FHIP2A: variants seen among roughly 807,000 people sequenced by gnomAD.
The protein encoded by FHIP2A is family with sequence similarity 160 member B1.
A neutral mutation model predicts 93.5 loss-of-function variants in FHIP2A; 46 were observed. The observed-to-expected ratio is 0.49, with a 90% CI of 0.39 to 0.63. The LOEUF is 0.63. Among genes scored for constraint, FHIP2A ranks in the 20% least tolerant of loss-of-function variants. FHIP2A has a pLI of 0.00. For synonymous variants in FHIP2A, 332 were observed against 326.5 expected (o/e 1.02, Z -0.18); for missense variants, 769 against 909.7 (o/e 0.85, Z 1.99).
chr10:114,839,854 C>T (rs911143790), intron 5 of FHIP2A, among the ~76,000 whole-genome samples: 3 of 142,394 alleles, frequency 2.1e-5, no homozygotes, highest in African/African-American at 7.9e-5. Context: ...TGCACTTCAG[C>T]CTGGGCGACA....
At chr10:114,874,559 G>A (rs1393286683) in intron 16 of FHIP2A, among the ~76,000 whole-genome samples, 1 of 152,130 alleles carries the variant, frequency 6.6e-6, no homozygotes, top group Non-Finnish European at 1.5e-5. Context: ...CTGGAGTGCA[G>A]TGGCACAATC....
At chr10:114,878,198 G>C (rs1421003586) in intron 16 of FHIP2A, among the ~76,000 whole-genome samples, 1 of 151,840 alleles carries the variant, frequency 6.6e-6, no homozygotes, top group Non-Finnish European at 1.5e-5. Flanking sequence ...ATTTTCTTAG[G>C]GCTTAGAAAA....
At chr10:114,833,610 G>A in intron 3 of FHIP2A, 1 of 454,224 alleles carries the variant, frequency 2.2e-6, no homozygotes, top group Non-Finnish European at 3.8e-6. Flanking sequence ...ACAACAACTT[G>A]TACTTGGCTG....
chr10:114,840,902 AT>A (rs1203692355), intron 5 of FHIP2A, among the ~76,000 whole-genome samples: 2 of 152,148 alleles, frequency 1.3e-5, no homozygotes, highest in Non-Finnish European at 2.9e-5. Context: ...AGTTTAAGAG[AT>A]TTAGAAGCTA....
intron 16 of FHIP2A, among the ~76,000 whole-genome samples, chr10:114,890,069 C>T (rs891002945): frequency 5.9e-5 from 9 of 151,996 alleles, no homozygotes; most frequent in Non-Finnish European, 1.3e-4. Context: ...ACTCTGTTGC[C>T]CAGGCTGGCG....
At position 114,843,222 on chromosome 10, in the gene FHIP2A, G is replaced by C. The variant is rs1423438272; in HGVS notation, c.812G>C (p.Ser271Thr). Residue 271 changes from serine to threonine, a missense_variant, in exon 6 of 17, where the codon AGT becomes ACT. Physicochemically the swap from Ser to Thr is moderately conservative, Grantham distance 58. Coordinates refer to ENST00000369248, the MANE Select transcript of FHIP2A (RefSeq NM_020940.4). ...AATTCTTTGTTAAATCTTACTAGAAGTCCTGTGAGTTATGGTCCTTACTTT... is the reference window on the plus strand; with the variant it reads ...AATTCTTTGTTAAATCTTACTAGAACTCCTGTGAGTTATGGTCCTTACTTT... ...LVNSLLNLTR[S>T]PDGRIAVKAC... The C allele has an allele frequency of 1.2e-6, 2 of 1,608,440 alleles. No individual in the cohort carries two copies. Among genetic ancestry groups the C allele is most frequent in the African/African-American group, 2.7e-5 (2 of 74,782 alleles).
intron 16 of FHIP2A, among the ~76,000 whole-genome samples, chr10:114,895,435 G>A (rs1215070397): frequency 6.6e-6 from 1 of 152,174 alleles, no homozygotes; most frequent in Non-Finnish European, 1.5e-5. Context: ...CCTTAATAGG[G>A]CCATTTATCA....
At chr10:114,865,913 A>G (rs1006859293), downstream of FHIP2A, among the ~76,000 whole-genome samples, 1 of 152,152 alleles carries the variant, frequency 6.6e-6, no homozygotes, top group African/African-American at 2.4e-5. Flanking sequence ...TCTTATGGCA[A>G]TAAAGTTGTC....
At chr10:114,891,537 ATG>A (rs34032569) in intron 16 of FHIP2A, among the ~76,000 whole-genome samples, 21,762 of 136,954 alleles carry the variant, frequency 0.16, 1,616 homozygotes, top group Admixed American at 0.2. Context: ...ATATATATAT[ATG>A]TGTGTGTGTG....
intron 5 of FHIP2A, among the ~76,000 whole-genome samples, chr10:114,842,371 G>A (rs1169950730): frequency 2.0e-5 from 3 of 152,012 alleles, no homozygotes; most frequent in East Asian, 3.9e-4. Context: ...AGCTTCTTGC[G>A]TTCTTATAGA....
intron 5 of FHIP2A, among the ~76,000 whole-genome samples, 184 bp downstream of exon 5, chr10:114,836,430 A>C (rs1482301008): frequency 6.6e-6 from 1 of 152,232 alleles, no homozygotes; most frequent in Non-Finnish European, 1.5e-5. Context: ...ATTTCAAAGA[A>C]TGCAGTTGAG....
In FHIP2A at chr10:114,846,177, C is replaced by T. The variant is rs989731425; in HGVS notation, c.1208C>T (p.Ser403Phe). 2 of 1,613,918 alleles carry T rather than the reference C, an allele frequency of 1.2e-6. No individual in the cohort carries two copies. The highest frequency in any genetic ancestry group is 2.7e-5 in the African/African-American group (2 of 74,920). ...GVMEPQLMQT[S>F]EMGILTSTAL... is the part of the protein sequence containing the mutation. ...GACTACCTGTTCATTGTGCTCAGTTCTGAGATGGGTATTCTCACATCCACT... is the reference window on the plus strand; with the variant it reads ...GACTACCTGTTCATTGTGCTCAGTTTTGAGATGGGTATTCTCACATCCACT... The change falls in exon 10 of 17, where the codon TCT becomes TTT. Residue 403 changes from serine (S) to phenylalanine (F), a missense_variant and splice_region_variant. Physicochemically the swap from Ser to Phe is radical, Grantham distance 155. Transcript: ENST00000369248.
chr10:114,832,204 G>A (rs1346402248), intron 2 of FHIP2A, among the ~76,000 whole-genome samples: 1 of 152,106 alleles, frequency 6.6e-6, no homozygotes, highest in African/African-American at 2.4e-5. Context: ...GAGTCTAACT[G>A]TGATATGTTA....
chr10:114,883,967 A>G (rs930439708), intron 16 of FHIP2A, among the ~76,000 whole-genome samples: 47 of 152,312 alleles, frequency 3.1e-4, no homozygotes, highest in African/African-American at 1.0e-3. Context: ...ATTGGTTTCC[A>G]TCCTCCAAAA....
chr10:114,877,561 T>A (rs1036248742), intron 16 of FHIP2A, among the ~76,000 whole-genome samples: 4 of 152,060 alleles, frequency 2.6e-5, no homozygotes, highest in African/African-American at 9.7e-5. Flanking sequence ...AAAAGGCCAG[T>A]TAAATCTGGA....
intron 16 of FHIP2A, among the ~76,000 whole-genome samples, chr10:114,875,055 C>T (rs2083877533): frequency 6.6e-6 from 1 of 152,150 alleles, no homozygotes; most frequent in Admixed American, 6.5e-5. Flanking sequence ...TTCCTGTTTC[C>T]GAAGCTTGCT....
At chr10:114,834,454 AAAT>A (rs1283222732) in intron 3 of FHIP2A, among the ~76,000 whole-genome samples, 1 of 152,222 alleles carries the variant, frequency 6.6e-6, no homozygotes, top group African/African-American at 2.4e-5. Context: ...TGGTTTATCT[AAAT>A]AATGTAAAGT....
chr10:114,846,759 C>T (rs191075496), intron 11 of FHIP2A, 31 bp downstream of exon 11: 181 of 1,545,748 alleles, frequency 1.2e-4, no homozygotes, highest in Non-Finnish European at 1.5e-4. Context: ...GTGAGTTCAG[C>T]ATTTCATGTA....
At chr10:114,882,156 G>A (rs1368126595) in intron 16 of FHIP2A, among the ~76,000 whole-genome samples, 2 of 152,198 alleles carry the variant, frequency 1.3e-5, no homozygotes, top group African/African-American at 2.4e-5. Flanking sequence ...TTTTTCGGGA[G>A]CAGCCTCAGC....
Sources: gnomAD v4.1 joint callset for allele counts (sites outside exome capture counted in the v4.1 genomes callset) on GRCh38, gnomAD v4.1.1 for gene constraint, MANE v1.5 for transcripts, NCBI Gene and HGNC (gene_info 2026-07-23, HGNC 2026-07-21) for gene names.